Variants in LAMA3 observed in about 807,000 individuals in gnomAD.
LAMA3 encodes the protein laminin subunit alpha 3.
A neutral mutation model predicts 402.0 loss-of-function variants in LAMA3; 281 were observed. The observed-to-expected ratio is 0.70, with a 90% CI of 0.63 to 0.77. LAMA3 has a LOEUF of 0.77. Ranked by LOEUF, LAMA3 falls within the 30% of genes least tolerant of loss-of-function variation. The pLI, the probability that LAMA3 is intolerant of heterozygous loss-of-function variation, is 0.00. For synonymous variants in LAMA3, 1,431 were observed against 1,558.4 expected (o/e 0.92, Z 1.93); for missense variants, 3,840 against 4,215.5 (o/e 0.91, Z 2.47).
intron 10 of LAMA3, 25 bp downstream of exon 10, chr18:23,775,948 G>C: frequency 6.2e-7 from 1 of 1,613,960 alleles, no homozygotes; most frequent in Non-Finnish European, 8.5e-7. Flanking sequence ...CAGAACAAGA[G>C]GCCACCCTTT....
rs780852451 is a variant in LAMA3, at chr18:23,871,423, A to G, written c.4768-8A>G. 6.2e-7 allele frequency: 1 copy of G among 1,611,924 alleles called. No homozygotes were observed. Among genetic ancestry groups the G allele is most frequent in the Admixed American group, 1.7e-5 (1 of 60,012 alleles). On this transcript the variant is annotated splice_polypyrimidine_tract_variant and splice_region_variant and intron_variant, in intron 37 of 74. Coordinates refer to ENST00000313654, the MANE Select transcript of LAMA3 (RefSeq NM_198129.4). ...AGGAAGACCCTGACTTTCTGTTTCC[A>G]TGTGTAGGGAAACTTCAGACATGCC...
rs1213939884 is a variant in LAMA3 at position 23,838,790 on chromosome 18, T to G, written c.3103T>G (p.Cys1035Gly). 2 of 1,602,854 alleles carry G rather than the reference T, an allele frequency of 1.2e-6. No homozygotes were observed. The highest frequency in any genetic ancestry group is 1.7e-6 in the Non-Finnish European group (2 of 1,169,800). ...TGTATTTGCTCACTAGCATCAAGTT[T>G]GTATCATACCTATTGAAGAATTCTC... ...HMARFLLHQV[C>G]IIPIEEFSAE... Residue 1035 changes from cysteine to glycine, a missense_variant, in exon 26 of 75, where the codon TGT (cysteine) becomes GGT (glycine). By Grantham distance (159) the Cys-to-Gly change is radical. Transcript: ENST00000313654.
At chr18:23,916,132 A>C (rs1214438959) in intron 59 of LAMA3, among the ~76,000 whole-genome samples, 3 of 152,166 alleles carry the variant, frequency 2.0e-5, no homozygotes, top group Admixed American at 2.0e-4. Context: ...ATCTTTTTGA[A>C]AATTGCTGCC....
At chr18:23,831,749 T>C (rs2063494438) in intron 23 of LAMA3, among the ~76,000 whole-genome samples, 1 of 152,178 alleles carries the variant, frequency 6.6e-6, no homozygotes, top group African/African-American at 2.4e-5. Context: ...GCTGACCAAA[T>C]CATTTGAATC....
In LAMA3 at chr18:23,845,013, G is replaced by A. The variant is rs762339149; in HGVS notation, c.3608G>A (p.Arg1203His). The A allele has an allele frequency of 2.9e-5, 46 of 1,563,596 alleles. No individual in the cohort carries two copies. Among genetic ancestry groups the A allele is most frequent in the East Asian group, 6.7e-5 (3 of 44,642 alleles). Residue 1203 changes from arginine (R) to histidine (H), a missense_variant, in exon 30 of 75, where the codon CGT (arginine) becomes CAT (histidine). Arg to His is a conservative substitution (Grantham distance 29, BLOSUM62 0). This residue lies in a region of LAMA3 where 2,109 missense variants were observed against 2,376.0 expected (regional missense o/e 0.89). Transcript: ENST00000313654. ...ATGCTGGTGGATTTCTTTCAGGTCC[G>A]TGTTCTAGTGGTGCCTGCAGAAAAC... is the stretch of plus-strand genomic sequence containing the variant. ...VPEGKSLVLV[R>H]VLVVPAENYD...
chr18:23,922,944 G>A (rs2081890368), intron 62 of LAMA3, among the ~76,000 whole-genome samples: 1 of 152,174 alleles, frequency 6.6e-6, no homozygotes, highest in Non-Finnish European at 1.5e-5. Context: ...GTCACTACAG[G>A]AGAACATGAC....
chr18:23,865,342 G>T (rs939310957), intron 36 of LAMA3, among the ~76,000 whole-genome samples: 9 of 152,102 alleles, frequency 5.9e-5, no homozygotes, highest in Admixed American at 5.2e-4. Context: ...TCACTATGTT[G>T]CCCAGGCTGG....
intron 62 of LAMA3, among the ~76,000 whole-genome samples, chr18:23,924,091 G>A (rs1234897263): frequency 6.6e-6 from 1 of 152,174 alleles, no homozygotes; most frequent in African/African-American, 2.4e-5. Context: ...CTAGCCTCAA[G>A]TGATCCTCCC....
intron 8 of LAMA3, among the ~76,000 whole-genome samples, chr18:23,770,864 T>C (rs183233184): frequency 6.6e-6 from 1 of 152,336 alleles, no homozygotes; most frequent in African/African-American, 2.4e-5. Context: ...CTCCCCAGGA[T>C]TGCTATTTTT....
intron 1 of LAMA3, among the ~76,000 whole-genome samples, chr18:23,701,503 C>G (rs1260714950): frequency 6.6e-6 from 1 of 152,130 alleles, no homozygotes; most frequent in African/African-American, 2.4e-5. Context: ...GCCTTCCTTC[C>G]TGTGGTTGGT....
intron 64 of LAMA3, among the ~76,000 whole-genome samples, chr18:23,929,668 C>T (rs2082106663): frequency 6.6e-6 from 1 of 152,122 alleles, no homozygotes; most frequent in Non-Finnish European, 1.5e-5. Flanking sequence ...ATCAGGAAGG[C>T]CACCCCTCTC....
At chr18:23,903,886 A>C (rs1240503408) in intron 49 of LAMA3, 47 bp from the exon 50 acceptor site, 2 of 1,496,882 alleles carry the variant, frequency 1.3e-6, no homozygotes, top group Non-Finnish European at 1.9e-6. Context: ...CAGCACCTAC[A>C]TTCTTTCCTT....
intron 12 of LAMA3, among the ~76,000 whole-genome samples, chr18:23,797,020 G>C (rs1024481861): frequency 2.0e-5 from 3 of 152,154 alleles, no homozygotes; most frequent in Non-Finnish European, 2.9e-5. Context: ...GCCTCTGCTG[G>C]ATTCTCTGTG....
intron 72 of LAMA3, 149 bp downstream of exon 72, chr18:23,950,308 A>G: frequency 1.1e-6 from 1 of 878,478 alleles, no homozygotes; most frequent in South Asian, 1.6e-5. Flanking sequence ...ATTTTCCTTT[A>G]GCAAGTAATT....
At chr18:23,904,879 A>T (rs1369035985) in intron 51 of LAMA3, among the ~76,000 whole-genome samples, 185 bp downstream of exon 51, 1 of 152,386 alleles carries the variant, frequency 6.6e-6, no homozygotes, top group Middle Eastern at 3.4e-3. Context: ...TCTGTAGCAC[A>T]GTTTTAAAAC....
intron 12 of LAMA3, among the ~76,000 whole-genome samples, chr18:23,792,140 C>T (rs1345689855): frequency 3.3e-5 from 5 of 152,224 alleles, no homozygotes; most frequent in Admixed American, 1.3e-4. Context: ...AAACTGTTGC[C>T]GTGAACTCCT....
chr18:23,925,521 A>G (rs2145349843), intron 62 of LAMA3, among the ~76,000 whole-genome samples: 1 of 152,294 alleles, frequency 6.6e-6, no homozygotes. Flanking sequence ...TCGACTAAGT[A>G]CCCAACACCA....
intron 32 of LAMA3, among the ~76,000 whole-genome samples, chr18:23,852,922 C>T (rs1423642863): frequency 6.6e-6 from 1 of 152,140 alleles, no homozygotes; most frequent in Non-Finnish European, 1.5e-5. Context: ...TATGCCTGTC[C>T]TTCAAGGATT....
chr18:23,759,949 C>T (rs944140185), intron 7 of LAMA3, among the ~76,000 whole-genome samples: 2 of 152,142 alleles, frequency 1.3e-5, no homozygotes, highest in African/African-American at 2.4e-5. Context: ...CCATTGCTCA[C>T]CCCAGATGAG....
Sources: allele counts gnomAD v4.1 joint callset (sites outside exome capture counted in the v4.1 genomes callset), GRCh38; gene constraint gnomAD v4.1.1; regional missense constraint gnomAD v4.1.1; transcripts MANE v1.5; gene names NCBI Gene and HGNC (gene_info 2026-07-23, HGNC 2026-07-21).